Variants in AGBL4 observed in about 807,000 individuals in gnomAD.
The protein encoded by AGBL4 is AGBL carboxypeptidase 4.
A neutral mutation model predicts 66.4 loss-of-function variants in AGBL4; 58 were observed. The ratio of observed to expected loss-of-function variants is 0.87; its 90% CI spans 0.71 to 1.09. AGBL4 has a LOEUF of 1.09. Among genes scored for constraint, AGBL4 ranks in the 50% least tolerant of loss-of-function variants. AGBL4 has a pLI of 0.00. For missense variants in AGBL4, 579 were observed against 631.0 expected (o/e 0.92, Z 0.88); for synonymous variants, 234 against 222.9 (o/e 1.05, Z -0.44).
Position 49,098,237 on chromosome 1 carries a change from G to C in AGBL4, c.378-52437C>G, listed in dbSNP as rs147936845. Among the ~76,000 whole-genome samples the C allele has an allele frequency of 1.6e-3, 241 of 152,330 alleles. 4 individuals carry two copies. Among genetic ancestry groups the C allele is most frequent in the African/African-American group, 5.6e-3 (234 of 41,580 alleles). ...ATGTAAAAACTCCCAGCTCCACTCT[G>C]TGCCTGGCCTGTAAAGAAAATTGGA... On this transcript the variant is annotated intron_variant, in intron 4 of 13. Coordinates refer to ENST00000371839, the MANE Select transcript of AGBL4 (RefSeq NM_032785.4).
chr1:49,852,447 C>T (rs1321638802), intron 1 of AGBL4, among the ~76,000 whole-genome samples: 1 of 152,134 alleles, frequency 6.6e-6, no homozygotes, highest in African/African-American at 2.4e-5. Context: ...CTCTGCTGTA[C>T]AGGTCTCTAC....
chr1:49,265,827 G>A (rs1209458974), intron 3 of AGBL4, among the ~76,000 whole-genome samples: 1 of 152,030 alleles, frequency 6.6e-6, no homozygotes, highest in African/African-American at 2.4e-5. Context: ...ATATGAATAT[G>A]TACGTGTGTA....
intron 5 of AGBL4, among the ~76,000 whole-genome samples, chr1:48,919,824 C>A (rs943770955): frequency 2.6e-5 from 4 of 152,202 alleles, no homozygotes; most frequent in African/African-American, 9.6e-5. Flanking sequence ...TCAAAAACCA[C>A]TGGGTTACTT....
chr1:49,543,960 C>G (rs758646882), intron 3 of AGBL4, among the ~76,000 whole-genome samples: 4 of 152,130 alleles, frequency 2.6e-5, no homozygotes, highest in Non-Finnish European at 5.9e-5. Context: ...TGGTGAAACC[C>G]CCTCATTACC....
chr1:49,824,623 A>C (rs1645459592), intron 2 of AGBL4, among the ~76,000 whole-genome samples: 2 of 152,244 alleles, frequency 1.3e-5, no homozygotes, highest in South Asian at 4.1e-4. Flanking sequence ...TAGACAACTA[A>C]GTTATCTTGA....
intron 6 of AGBL4, among the ~76,000 whole-genome samples, chr1:48,804,783 T>C (rs1645885414): frequency 6.6e-6 from 1 of 152,212 alleles, no homozygotes; most frequent in African/African-American, 2.4e-5. Flanking sequence ...GGTTCAAGTC[T>C]GAATAGAAAC....
Position 48,575,213 on chromosome 1 carries a change from G to A in AGBL4, c.1267+11791C>T, listed in dbSNP as rs72899168. ...ACATCAAAATACTGTCCAATACCCA[G>A]TATTCCACTAGGAGATATCCCAAAC... is the stretch of plus-strand genomic sequence containing the variant. On this transcript the variant is annotated intron_variant, in intron 11 of 13. Transcript: ENST00000371839. Among the ~76,000 whole-genome samples, 1,278 of 152,176 alleles carry A rather than the reference G, an allele frequency of 8.4e-3. 10 individuals are homozygous for A. Among genetic ancestry groups the A allele is most frequent in the African/African-American group, 0.023 (963 of 41,496 alleles).
intron 3 of AGBL4, among the ~76,000 whole-genome samples, chr1:49,564,086 T>C (rs1274875057): frequency 3.9e-5 from 6 of 152,200 alleles, no homozygotes; most frequent in Admixed American, 6.5e-5. Flanking sequence ...GATTTTCTAG[T>C]TTATGTGCGT....
intron 3 of AGBL4, among the ~76,000 whole-genome samples, chr1:49,284,107 G>C (rs1436447464): frequency 9.9e-5 from 15 of 152,084 alleles, no homozygotes; most frequent in Non-Finnish European, 1.8e-4. Context: ...AAATGTTAAG[G>C]GAAGCCAGAG....
At chr1:49,129,582 C>T (rs539834218) in intron 4 of AGBL4, among the ~76,000 whole-genome samples, 13 of 151,142 alleles carry the variant, frequency 8.6e-5, no homozygotes, top group South Asian at 8.4e-4. Flanking sequence ...TTTGTCCTTG[C>T]GATAGTTTAC....
intron 8 of AGBL4, among the ~76,000 whole-genome samples, chr1:48,640,560 T>C (rs1488765949): frequency 6.6e-6 from 1 of 152,236 alleles, no homozygotes; most frequent in African/African-American, 2.4e-5. Flanking sequence ...ATAGGTATTA[T>C]TAATCCTCAT....
intron 1 of AGBL4, among the ~76,000 whole-genome samples, chr1:49,878,264 T>C (rs1647088948): frequency 6.7e-6 from 1 of 150,026 alleles, no homozygotes; most frequent in Non-Finnish European, 1.5e-5. Context: ...GGTGTCAATT[T>C]TGGATCTTTC....
chr1:49,662,175 T>C (rs1308654867), intron 3 of AGBL4, among the ~76,000 whole-genome samples: 1 of 151,322 alleles, frequency 6.6e-6, no homozygotes, highest in Non-Finnish European at 1.5e-5. Flanking sequence ...ATTTTCATTA[T>C]CTTGATTGTC....
chr1:49,943,300 A>G (rs548904315), intron 1 of AGBL4, among the ~76,000 whole-genome samples: 2 of 152,192 alleles, frequency 1.3e-5, no homozygotes, highest in African/African-American at 4.8e-5. Context: ...TGCAGTTCCC[A>G]CTCCGATGGA....
chr1:49,579,835 T>C (rs544666790), intron 3 of AGBL4, among the ~76,000 whole-genome samples: 1 of 152,298 alleles, frequency 6.6e-6, no homozygotes, highest in South Asian at 2.1e-4. Flanking sequence ...GTCCATTTGG[T>C]CTAAAGTCCA....
chr1:49,075,189 A>G (rs1162728975), intron 4 of AGBL4, among the ~76,000 whole-genome samples: 1 of 152,176 alleles, frequency 6.6e-6, no homozygotes, highest in Non-Finnish European at 1.5e-5. Flanking sequence ...ATTTGAGGTG[A>G]CTCACAGAAA....
chr1:49,425,728 G>C (rs557525972), intron 3 of AGBL4, among the ~76,000 whole-genome samples: 50 of 152,302 alleles, frequency 3.3e-4, no homozygotes, highest in South Asian at 1.0e-3. Flanking sequence ...TCTCATCTCT[G>C]CCTCATGACC....
downstream of AGBL4, among the ~76,000 whole-genome samples, chr1:48,529,808 C>A (rs996112678): frequency 2.0e-5 from 3 of 152,234 alleles, no homozygotes; most frequent in South Asian, 6.2e-4. Flanking sequence ...AACAACCCTG[C>A]TGAGATTCCA....
At chr1:48,813,599 C>A (rs1484982682) in intron 6 of AGBL4, among the ~76,000 whole-genome samples, 1 of 152,166 alleles carries the variant, frequency 6.6e-6, no homozygotes, top group Non-Finnish European at 1.5e-5. Flanking sequence ...TATCTACAAC[C>A]TGGCCACCAG....
Sources: allele counts gnomAD v4.1 joint callset (sites outside exome capture counted in the v4.1 genomes callset), GRCh38; gene constraint gnomAD v4.1.1; transcripts MANE v1.5; gene names NCBI Gene and HGNC (gene_info 2026-07-23, HGNC 2026-07-21).